Variants in PCDH11X observed in about 807,000 individuals in gnomAD.
The protein encoded by PCDH11X is protocadherin 11 X-linked, also known as protocadherin-11 X-linked.
PCDH11X carries 18 observed loss-of-function variants against 53.3 expected under a neutral mutation model. The observed-to-expected ratio is 0.34, with a 90% CI of 0.23 to 0.50. PCDH11X has a LOEUF of 0.50. Ranked by LOEUF, PCDH11X falls within the 20% of genes least tolerant of loss-of-function variation. The pLI is 0.98. For missense variants in PCDH11X, 570 were observed against 1,032.4 expected, an observed-to-expected ratio of 0.55 and a Z score of 6.14; for synonymous variants, 279 against 393.3, an observed-to-expected ratio of 0.71 and a Z score of 3.44.
intron 5 of PCDH11X, among the ~76,000 whole-genome samples, chrX:91,855,535 A>G (rs1938280871): frequency 1.8e-5 from 2 of 108,554 alleles, no homozygotes; most frequent in South Asian, 7.7e-4. Flanking sequence ...TTCTGTGAAG[A>G]ATATCATTGG....
At chrX:91,823,986 A>T (rs1936804840) in intron 4 of PCDH11X, among the ~76,000 whole-genome samples, 1 of 110,638 alleles carries the variant, frequency 9.0e-6, no homozygotes, top group Non-Finnish European at 1.9e-5. Flanking sequence ...TTCCTTTAAG[A>T]ATGTTGAATA....
At chrX:92,245,683 A>G (rs769772039) in intron 7 of PCDH11X, among the ~76,000 whole-genome samples, 1 of 111,911 alleles carries the variant, frequency 8.9e-6, no homozygotes, top group South Asian at 3.7e-4. Flanking sequence ...TAAGCTGTAG[A>G]TTTCCCAGCT....
At chrX:92,497,509 C>T (rs1282683297) in intron 10 of PCDH11X, among the ~76,000 whole-genome samples, 7 of 109,531 alleles carry the variant, frequency 6.4e-5, no homozygotes, top group African/African-American at 2.3e-4. Context: ...CAAATAGCAA[C>T]ATGCTTGGCA....
chrX:92,312,274 T>A (rs60700382), intron 8 of PCDH11X, among the ~76,000 whole-genome samples: 3,875 of 111,480 alleles, frequency 0.035, 148 homozygotes, highest in East Asian at 0.27. Context: ...AGCCTTTAGA[T>A]AACTTGTAGG....
chrX:91,795,695 A>G (rs1013731065), intron 1 of PCDH11X, among the ~76,000 whole-genome samples: 1 of 111,334 alleles, frequency 9.0e-6, no homozygotes, highest in Non-Finnish European at 1.9e-5. Context: ...TACAATTTAA[A>G]CTTTAAATTT....
chrX:92,510,070 C>A (rs778372167), intron 10 of PCDH11X, among the ~76,000 whole-genome samples: 1 of 104,130 alleles, frequency 9.6e-6, no homozygotes, highest in African/African-American at 3.4e-5. Flanking sequence ...AATGGTCAGG[C>A]TTGTGTGAAA....
intron 6 of PCDH11X, among the ~76,000 whole-genome samples, chrX:92,188,459 T>A (rs2066137346): frequency 9.0e-6 from 1 of 111,083 alleles, no homozygotes; most frequent in South Asian, 3.8e-4. Context: ...ATCTTGAAGA[T>A]CTGCTAAGGG....
intron 10 of PCDH11X, among the ~76,000 whole-genome samples, chrX:92,614,420 T>C (rs1927754760): frequency 9.3e-6 from 1 of 107,421 alleles, no homozygotes; most frequent in African/African-American, 3.4e-5. Flanking sequence ...TCTTTGCTTC[T>C]GTAACCCTAT....
chrX:91,991,466 C>T (rs1276189567), intron 6 of PCDH11X, among the ~76,000 whole-genome samples: 5 of 91,039 alleles, frequency 5.5e-5, no homozygotes, highest in Admixed American at 1.2e-4. Flanking sequence ...TCATGTCTTT[C>T]CTTGAGTTCT....
At chrX:92,534,423 G>A (rs1343385240) in intron 10 of PCDH11X, among the ~76,000 whole-genome samples, 4 of 111,534 alleles carry the variant, frequency 3.6e-5, no homozygotes, top group Non-Finnish European at 7.5e-5. Context: ...CCAAATCTAC[G>A]TTTGATTGGT....
At chrX:92,294,762 G>A (rs2068573702) in intron 8 of PCDH11X, among the ~76,000 whole-genome samples, 1 of 109,100 alleles carries the variant, frequency 9.2e-6, no homozygotes. Flanking sequence ...TAAAATAAAA[G>A]CATCTTCTCA....
chrX:92,558,880 A>C (rs1027646800), intron 10 of PCDH11X, among the ~76,000 whole-genome samples: 6 of 110,530 alleles, frequency 5.4e-5, no homozygotes, highest in African/African-American at 1.6e-4. Context: ...GTCAAGTAAC[A>C]GTCAAACATA....
chrX:92,590,678 T>C (rs1924942988), intron 10 of PCDH11X, among the ~76,000 whole-genome samples: 1 of 111,432 alleles, frequency 9.0e-6, no homozygotes, highest in Middle Eastern at 4.7e-3. Context: ...ATCTCCTCAG[T>C]TGGGTGAAGA....
rs1286892404 is a variant in PCDH11X, at chrX:92,468,291, C to G, written c.3344-8C>G. 1.8e-6 allele frequency: 2 copies of G among 1,134,001 alleles called. No homozygotes were observed. Among genetic ancestry groups the G allele is most frequent in the Non-Finnish European group, 2.4e-6 (2 of 850,703 alleles). The allele number at this position is 1,134,001 out of a possible 1,213,427, so 93.5% of individuals were successfully genotyped here. On this transcript the variant is annotated splice_region_variant and splice_polypyrimidine_tract_variant and intron_variant, in intron 9 of 10. Transcript: ENST00000682573. Reference sequence around the variant, plus strand: ...ATTGTGTTTAACTTTATTAAAATTTCTTTTTAGCTTTCATACCTGGACTAA... The same window carrying G: ...ATTGTGTTTAACTTTATTAAAATTTGTTTTTAGCTTTCATACCTGGACTAA...
chrX:92,092,406 G>A (rs1403840334), intron 6 of PCDH11X, among the ~76,000 whole-genome samples: 1 of 111,356 alleles, frequency 9.0e-6, no homozygotes, highest in Non-Finnish European at 1.9e-5. Flanking sequence ...TGTTGCCAAG[G>A]TTGAGGACAC....
At position 92,392,338 on chromosome X, in the gene PCDH11X, T is replaced by A. The variant is rs2071148733; in HGVS notation, c.3343+4405T>A. Reference sequence around the variant, plus strand: ...ATGTCTGCTAGAGTTTATCTCAGGTTAGCAAATCTGTTTGACATTCATTTT... The same window carrying A: ...ATGTCTGCTAGAGTTTATCTCAGGTAAGCAAATCTGTTTGACATTCATTTT... On this transcript the variant is annotated intron_variant, in intron 9 of 10. Coordinates refer to ENST00000682573, the MANE Select transcript of PCDH11X (RefSeq NM_032968.5). Among the ~76,000 whole-genome samples, 3 of 111,263 alleles carry A rather than the reference T, an allele frequency of 2.7e-5. No individual in the cohort carries two copies. The Admixed American group carries it at 2.9e-4, about 11-fold the overall frequency.
At chrX:92,316,996 A>T (rs777418240) in intron 8 of PCDH11X, among the ~76,000 whole-genome samples, 2 of 111,717 alleles carry the variant, frequency 1.8e-5, no homozygotes, top group East Asian at 5.6e-4. Context: ...TCTTAAAGAC[A>T]GCCAAACACG....
chrX:92,204,321 G>A (rs938821286), intron 7 of PCDH11X, among the ~76,000 whole-genome samples: 1 of 111,777 alleles, frequency 8.9e-6, no homozygotes, highest in Non-Finnish European at 1.9e-5. Flanking sequence ...AAAATTTTAT[G>A]CTCTGCTTCC....
chrX:92,553,811 C>T (rs1207244309), intron 10 of PCDH11X, among the ~76,000 whole-genome samples: 1 of 109,287 alleles, frequency 9.2e-6, no homozygotes, highest in African/African-American at 3.3e-5. Flanking sequence ...ATCTTGCTCC[C>T]CCTCCTTTCT....
Sources: gnomAD v4.1 joint callset for allele counts (sites outside exome capture counted in the v4.1 genomes callset) on GRCh38, gnomAD v4.1.1 for gene constraint, MANE v1.5 for transcripts, NCBI Gene and HGNC (gene_info 2026-07-23, HGNC 2026-07-21) for gene names.